The following RPRD1B variants were observed in gnomAD, a reference collection of about 807,000 sequenced individuals.
RPRD1B encodes the protein regulation of nuclear pre-mRNA domain containing 1B, also known as regulation of nuclear pre-mRNA domain-containing protein 1B.
Under a neutral mutation model 41.5 loss-of-function variants are expected in RPRD1B, and 11 were observed. The observed-to-expected ratio is 0.27, with a 90% CI of 0.17 to 0.44. The LOEUF (loss-of-function observed/expected upper bound fraction) is 0.44, where lower values mean the gene tolerates loss of function less well. Among genes scored for constraint, RPRD1B ranks in the 20% least tolerant of loss-of-function variants. The probability of loss-of-function intolerance (pLI) is 1.00; values close to 1 mark genes in which losing one functional copy is unlikely to be tolerated. For synonymous variants in RPRD1B, 158 were observed against 155.6 expected (o/e 1.02, Z -0.12); for missense variants, 248 against 389.9 (o/e 0.64, Z 3.06).
At chr20:38,043,302 A>G (rs1418104657) in intron 2 of RPRD1B, among the ~76,000 whole-genome samples, 1 of 152,204 alleles carries the variant, frequency 6.6e-6, no homozygotes, top group Non-Finnish European at 1.5e-5. Context: ...GAGAAACAGA[A>G]TGAAGGCTGG....
At chr20:38,077,924 C>T (rs1489058399) in intron 6 of RPRD1B, among the ~76,000 whole-genome samples, 1 of 152,098 alleles carries the variant, frequency 6.6e-6, no homozygotes, top group Non-Finnish European at 1.5e-5. Context: ...ACCTGTAATC[C>T]CAGCACTTTG....
At chr20:38,061,195 A>G (rs2074293631) in intron 5 of RPRD1B, among the ~76,000 whole-genome samples, 1 of 152,252 alleles carries the variant, frequency 6.6e-6, no homozygotes, top group South Asian at 2.1e-4. Flanking sequence ...AGTTGTGCTA[A>G]GTATTCTCAT....
intron 6 of RPRD1B, among the ~76,000 whole-genome samples, chr20:38,076,119 T>G (rs1675517630): frequency 6.6e-6 from 1 of 152,248 alleles, no homozygotes; most frequent in African/African-American, 2.4e-5. Flanking sequence ...CCTTTCCTTT[T>G]GCTCACAGTG....
rs527414496 is a variant in RPRD1B, at chr20:38,052,952, C to T, written c.415+4471C>T. Among the ~76,000 whole-genome samples the T allele has an allele frequency of 3.9e-5, 6 of 151,900 alleles. No homozygotes were observed. The South Asian group carries it at 1.2e-3, about 32-fold the overall frequency. On this transcript the variant is annotated intron_variant, in intron 3 of 6. Coordinates refer to ENST00000373433, the MANE Select transcript of RPRD1B (RefSeq NM_021215.4). The stretch of plus-strand genomic sequence containing the variant: ...CACAATCAGGTTGTAAGAGGCATAC[C>T]ATAAACCCTTAGGTAACGAGGATTA...
chr20:38,078,146 C>T (rs62203599), intron 6 of RPRD1B, among the ~76,000 whole-genome samples: 4,619 of 149,804 alleles, frequency 0.031, 115 homozygotes, highest in Non-Finnish European at 0.05. Context: ...TCAGCCTGGG[C>T]GACAGAGTGC....
intron 1 of RPRD1B, among the ~76,000 whole-genome samples, chr20:38,034,716 G>C (rs2073977288): frequency 6.6e-6 from 1 of 152,130 alleles, no homozygotes; most frequent in Non-Finnish European, 1.5e-5. Context: ...GGGCCACCCA[G>C]ACCTTACCTC....
At chr20:38,050,123 C>T (rs2074170209) in intron 3 of RPRD1B, among the ~76,000 whole-genome samples, 2 of 152,224 alleles carry the variant, frequency 1.3e-5, no homozygotes, top group African/African-American at 4.8e-5. Flanking sequence ...CATGCATCTG[C>T]TATAGAACCT....
intron 4 of RPRD1B, 23 bp downstream of exon 4, chr20:38,057,667 T>C: frequency 6.5e-7 from 1 of 1,530,178 alleles, no homozygotes; most frequent in Non-Finnish European, 9.1e-7. Flanking sequence ...CCCCAGAGAG[T>C]AGGGAACAGT....
At chr20:38,070,274 A>C in intron 6 of RPRD1B, 1 of 985,410 alleles carries the variant, frequency 1.0e-6, no homozygotes. Context: ...AACACCAGGC[A>C]AGGGTGGAAG....
At chr20:38,040,307 T>C (rs2074053195) in intron 1 of RPRD1B, 128 bp from the exon 2 acceptor site, 1 of 605,900 alleles carries the variant, frequency 1.7e-6, no homozygotes, top group Non-Finnish European at 2.6e-6. Context: ...TTTTTAAACA[T>C]ATCTACTTGA....
chr20:38,046,722 T>TG (rs2074125163), intron 2 of RPRD1B, among the ~76,000 whole-genome samples: 1 of 152,096 alleles, frequency 6.6e-6, no homozygotes, highest in South Asian at 2.1e-4. Flanking sequence ...GCTAAGGCTC[T>TG]GAGGCAGTGC....
intron 6 of RPRD1B, among the ~76,000 whole-genome samples, chr20:38,072,762 T>G (rs964536522): frequency 6.6e-6 from 1 of 152,226 alleles, no homozygotes; most frequent in Non-Finnish European, 1.5e-5. Flanking sequence ...GTCTAGGTTT[T>G]GGGACCACAG....
At chr20:38,035,617 C>G (rs1001392846) in intron 1 of RPRD1B, among the ~76,000 whole-genome samples, 22 of 152,264 alleles carry the variant, frequency 1.4e-4, no homozygotes, top group African/African-American at 5.1e-4. Context: ...GAGGTAGAGC[C>G]TGGAGTTTAT....
intron 6 of RPRD1B, among the ~76,000 whole-genome samples, chr20:38,067,857 A>G (rs973195350): frequency 6.6e-6 from 1 of 152,264 alleles, no homozygotes; most frequent in Non-Finnish European, 1.5e-5. Flanking sequence ...TCTGGTTGTA[A>G]GTCACCATGC....
intron 6 of RPRD1B, among the ~76,000 whole-genome samples, chr20:38,089,334 T>C (rs986361078): frequency 6.6e-6 from 1 of 152,122 alleles, no homozygotes; most frequent in African/African-American, 2.4e-5. Flanking sequence ...CTTCAGTGTT[T>C]TTTTTCTTGC....
intron 2 of RPRD1B, among the ~76,000 whole-genome samples, chr20:38,043,456 G>C (rs1196389179): frequency 1.3e-5 from 2 of 152,082 alleles, no homozygotes; most frequent in Non-Finnish European, 2.9e-5. Context: ...TTTTAACCAG[G>C]GGAATGATAT....
rs1299613309 is a variant in RPRD1B, at chr20:38,059,523, G to A, written c.655+3G>A. ...TTCTCTATTGGAAAAAATAACAGGTGAGAAGGTAGAGTTTGGGTGAAAGGT... is the reference window on the plus strand; with the variant it reads ...TTCTCTATTGGAAAAAATAACAGGTAAGAAGGTAGAGTTTGGGTGAAAGGT... On this transcript the variant is annotated splice_donor_region_variant and intron_variant, in intron 5 of 6. Transcript: ENST00000373433. The A allele has an allele frequency of 6.2e-7, 1 of 1,613,558 alleles. No individual in the cohort carries two copies. The highest frequency in any genetic ancestry group is 1.3e-5 in the African/African-American group (1 of 74,904).
At chr20:38,042,654 T>C (rs1240285410) in intron 2 of RPRD1B, among the ~76,000 whole-genome samples, 2 of 152,190 alleles carry the variant, frequency 1.3e-5, no homozygotes, top group Non-Finnish European at 2.9e-5. Context: ...TCCTTTCTTA[T>C]ACCCCATTAT....
intron 2 of RPRD1B, among the ~76,000 whole-genome samples, chr20:38,047,885 G>A (rs1365376782): frequency 6.6e-6 from 1 of 152,110 alleles, no homozygotes; most frequent in East Asian, 1.9e-4. Context: ...ATGTGATTGT[G>A]TTTATACATG....
Sources: gnomAD v4.1 joint callset for allele counts (sites outside exome capture counted in the v4.1 genomes callset) on GRCh38, gnomAD v4.1.1 for gene constraint, MANE v1.5 for transcripts, NCBI Gene and HGNC (gene_info 2026-07-23, HGNC 2026-07-21) for gene names.